PCNX1: variants seen among roughly 807,000 people sequenced by gnomAD.
PCNX1 encodes the protein pecanex-like protein 1.
Under a neutral mutation model 242.2 loss-of-function variants are expected in PCNX1, and 78 were observed. The observed-to-expected ratio is 0.32, with a 90% CI of 0.27 to 0.39. The LOEUF is 0.39. Among genes scored for constraint, PCNX1 ranks in the 10% least tolerant of loss-of-function variants. The pLI, the probability that PCNX1 is intolerant of heterozygous loss-of-function variation, is 1.00. For synonymous variants in PCNX1, 1,024 were observed against 1,032.9 expected (o/e 0.99, Z 0.17); for missense variants, 2,581 against 2,856.5 (o/e 0.90, Z 2.20).
At chr14:71,001,958 T>A (rs2059518033) in intron 8 of PCNX1, among the ~76,000 whole-genome samples, 1 of 152,248 alleles carries the variant, frequency 6.6e-6, no homozygotes, top group Non-Finnish European at 1.5e-5. Flanking sequence ...AGCCTTTATC[T>A]TCCTGATTCA....
chr14:71,069,782 C>T (rs2141383758), intron 26 of PCNX1, among the ~76,000 whole-genome samples: 1 of 152,192 alleles, frequency 6.6e-6, no homozygotes, highest in South Asian at 2.1e-4. Flanking sequence ...AGGGTCTTGC[C>T]CCGATGTTGA....
rs371405432 is a variant in PCNX1, at chr14:70,981,630, ATT to A, written c.2311+2985_2311+2986del. Among the ~76,000 whole-genome samples, 540 of 152,168 alleles carry A rather than the reference ATT, an allele frequency of 3.5e-3. 1 individual carries two copies. The highest frequency in any genetic ancestry group is 0.013 in the African/African-American group (524 of 41,520). On this transcript the variant is annotated intron_variant, in intron 6 of 35. Coordinates refer to ENST00000304743, the MANE Select transcript of PCNX1 (RefSeq NM_014982.3). ...ATATGTTTTAAGTTCAAACTAAGTC[ATT>A]TTCTGTTGATCTCTTGTTTTGTACT...
At chr14:71,054,399 G>C (rs753008607) in intron 24 of PCNX1, among the ~76,000 whole-genome samples, 2 of 152,122 alleles carry the variant, frequency 1.3e-5, no homozygotes, top group Non-Finnish European at 2.9e-5. Context: ...ATGTTCATTG[G>C]CATCACCACC....
intron 28 of PCNX1, among the ~76,000 whole-genome samples, chr14:71,085,143 C>T (rs2141597763): frequency 6.6e-6 from 1 of 152,350 alleles, no homozygotes; most frequent in South Asian, 2.1e-4. Context: ...ACGCCCCACC[C>T]TGCTTCGGCT....
Position 71,013,084 on chromosome 14 carries a change from T to TA in PCNX1, c.2879dup (p.Tyr960Ter), listed in dbSNP as rs1316962725. 6.2e-7 allele frequency: 1 copy of TA among 1,614,030 alleles called. No individual in the cohort carries two copies. Reference sequence around the variant, plus strand: ...TCTAAGCCCTGACTTGGCAGCTACTTACGGCCCAACAGAAGAAGCTGCCCA... The same window carrying TA: ...TCTAAGCCCTGACTTGGCAGCTACTTAACGGCCCAACAGAAGAAGCTGCCCA... ...IDLSPDLAAT[Y>*]GPTEEAAQKV... The change falls in exon 11 of 36, where the codon TAC becomes TAAC. Residue 960 changes from tyrosine (Y) to a stop codon, truncating the protein, a stop_gained and frameshift_variant. Coordinates refer to ENST00000304743, the MANE Select transcript of PCNX1 (RefSeq NM_014982.3). LOFTEE classifies it high-confidence loss of function.
In PCNX1 at chr14:71,012,722, G is replaced by C. The variant is rs1361887793; in HGVS notation, c.2779-263G>C. 4.8e-5 allele frequency: 18 copies of C among 376,646 alleles called. No homozygotes were observed. The East Asian group carries it at 9.0e-4, about 19-fold the overall frequency. 23.3% of individuals were successfully genotyped at this position (376,646 alleles called of 1,614,324 possible). The stretch of plus-strand genomic sequence containing the variant: ...GTGGCAGGTGCCTGTAATCCCAGCT[G>C]CTTGGGAGGCTGAGGCAGAGAATTG... On this transcript the variant is annotated intron_variant, in intron 10 of 35. Coordinates refer to ENST00000304743, the MANE Select transcript of PCNX1 (RefSeq NM_014982.3).
At chr14:70,927,207 T>G (rs190678699) in intron 1 of PCNX1, among the ~76,000 whole-genome samples, 1 of 152,330 alleles carries the variant, frequency 6.6e-6, no homozygotes, top group Non-Finnish European at 1.5e-5. Flanking sequence ...TAGTAGAATA[T>G]CTGAGACTTA....
chr14:70,928,960 A>G (rs1468727741), intron 1 of PCNX1, among the ~76,000 whole-genome samples: 1 of 152,206 alleles, frequency 6.6e-6, no homozygotes, highest in Non-Finnish European at 1.5e-5. Context: ...AAACCATTTC[A>G]ACACATAGGA....
rs533803767 is a variant in PCNX1, at chr14:70,963,581, G to T, written c.468+1250G>T. Among the ~76,000 whole-genome samples, 4 of 152,204 alleles carry T rather than the reference G, an allele frequency of 2.6e-5. No homozygotes were observed. In the South Asian group the frequency reaches 6.2e-4, roughly 24 times the overall value. ...TATATGAATCAAAATCTTGAACAGG[G>T]TCTTGTTTTCTAATATATTTTGATA... On this transcript the variant is annotated intron_variant, in intron 3 of 35. Coordinates refer to ENST00000304743, the MANE Select transcript of PCNX1 (RefSeq NM_014982.3).
intron 19 of PCNX1, chr14:71,044,338 A>C (rs548478546): frequency 1.3e-5 from 2 of 152,574 alleles, no homozygotes; most frequent in Admixed American, 1.3e-4. Flanking sequence ...TGGTGGTAGC[A>C]GGGAAGAAAA....
intron 26 of PCNX1, among the ~76,000 whole-genome samples, chr14:71,064,399 C>G (rs1222449633): frequency 6.6e-6 from 1 of 152,058 alleles, no homozygotes; most frequent in African/African-American, 2.4e-5. Context: ...TCCCATTCTC[C>G]TTATTCTGCT....
chr14:70,922,086 A>G (rs2056401302), intron 1 of PCNX1, among the ~76,000 whole-genome samples: 1 of 152,138 alleles, frequency 6.6e-6, no homozygotes, highest in Admixed American at 6.5e-5. Flanking sequence ...CTTTTTCAGC[A>G]CTGAAGAAAT....
chr14:70,956,938 C>T (rs990092195), intron 2 of PCNX1, among the ~76,000 whole-genome samples: 2 of 152,022 alleles, frequency 1.3e-5, no homozygotes, highest in African/African-American at 4.8e-5. Flanking sequence ...GCAAATAAAG[C>T]ACGTACTGCT....
chr14:70,932,159 TCTAA>T (rs2056825935), intron 1 of PCNX1, among the ~76,000 whole-genome samples: 1 of 152,134 alleles, frequency 6.6e-6, no homozygotes, highest in African/African-American at 2.4e-5. Flanking sequence ...AATCGAATAA[TCTAA>T]ATAAATTTAG....
intron 8 of PCNX1, among the ~76,000 whole-genome samples, chr14:70,996,337 A>C (rs751864529): frequency 2.0e-5 from 3 of 152,134 alleles, no homozygotes; most frequent in Non-Finnish European, 4.4e-5. Flanking sequence ...CCACTATAGA[A>C]TCTTTCTTTA....
intron 28 of PCNX1, among the ~76,000 whole-genome samples, chr14:71,079,344 C>A (rs941161495): frequency 2.0e-5 from 3 of 152,168 alleles, no homozygotes; most frequent in Non-Finnish European, 2.9e-5. Context: ...GATTTATAAT[C>A]CTTTGTGTGT....
At position 71,006,182 on chromosome 14, in the gene PCNX1, C is replaced by G. The variant is rs191927064; in HGVS notation, c.2630-3452C>G. ...GTGTGTGTGTGTGTAGAGATGAGGT[C>G]TCACTATGTTGCCTGGGCTTGTCTT... On this transcript the variant is annotated intron_variant, in intron 8 of 35. Coordinates refer to ENST00000304743, the MANE Select transcript of PCNX1 (RefSeq NM_014982.3). Among the ~76,000 whole-genome samples the G allele has an allele frequency of 1.3e-4, 19 of 146,436 alleles. No individual in the cohort carries two copies. In the East Asian group the frequency reaches 3.9e-3, roughly 30 times the overall value.
intron 1 of PCNX1, among the ~76,000 whole-genome samples, chr14:70,941,277 CT>C (rs1171696598): frequency 2.0e-5 from 3 of 151,760 alleles, no homozygotes; most frequent in Non-Finnish European, 4.4e-5. Flanking sequence ...TACCTTTGGT[CT>C]TTGATGATGG....
intron 1 of PCNX1, among the ~76,000 whole-genome samples, chr14:70,941,644 A>C (rs146919801): frequency 6.6e-6 from 1 of 151,978 alleles, no homozygotes. Context: ...GAGAACCACT[A>C]CTCTCTTCAA....
Sources: allele counts gnomAD v4.1 joint callset (sites outside exome capture counted in the v4.1 genomes callset), GRCh38; gene constraint gnomAD v4.1.1; transcripts MANE v1.5; gene names NCBI Gene and HGNC (gene_info 2026-07-23, HGNC 2026-07-21).